Variants in NDST3 observed in about 807,000 individuals in gnomAD.
The protein encoded by NDST3 is bifunctional heparan sulfate N-deacetylase/N-sulfotransferase 3.
A neutral mutation model predicts 96.1 loss-of-function variants in NDST3; 58 were observed. The ratio of observed to expected loss-of-function variants is 0.60; its 90% CI spans 0.49 to 0.75. The LOEUF (loss-of-function observed/expected upper bound fraction) is 0.75. Ranked by LOEUF, NDST3 falls within the 30% of genes least tolerant of loss-of-function variation. The probability of loss-of-function intolerance (pLI) is 0.00; values close to 1 mark genes in which losing one functional copy is unlikely to be tolerated. For missense variants in NDST3, 788 were observed against 1,034.2 expected, an observed-to-expected ratio of 0.76 and a Z score of 3.27; for synonymous variants, 333 against 359.7, an observed-to-expected ratio of 0.93 and a Z score of 0.84.
intron 8 of NDST3, among the ~76,000 whole-genome samples, chr4:118,230,574 C>CA (rs552747610): frequency 0.015 from 1,567 of 106,216 alleles, 36 homozygotes; most frequent in South Asian, 0.13. Context: ...GACTCCGTTT[C>CA]AAAAAAAAAA....
intron 2 of NDST3, among the ~76,000 whole-genome samples, chr4:118,094,556 C>A (rs1408455434): frequency 6.6e-6 from 1 of 151,786 alleles, no homozygotes; most frequent in Non-Finnish European, 1.5e-5. Flanking sequence ...TGTGTCCTTT[C>A]CATAGAAGTC....
At chr4:118,058,861 C>T (rs1039162619) in intron 2 of NDST3, among the ~76,000 whole-genome samples, 7 of 152,000 alleles carry the variant, frequency 4.6e-5, no homozygotes, top group Non-Finnish European at 8.8e-5. Context: ...CACTAATAAC[C>T]CATGTGATCT....
chr4:118,194,756 A>T (rs1352050398), intron 6 of NDST3: 1 of 467,110 alleles, frequency 2.1e-6, no homozygotes, highest in African/African-American at 2.0e-5. Flanking sequence ...TGTCATCTCC[A>T]CGCAGCGCAC....
intron 6 of NDST3, among the ~76,000 whole-genome samples, chr4:118,164,164 G>C (rs1017354710): frequency 6.6e-6 from 1 of 152,146 alleles, no homozygotes; most frequent in Non-Finnish European, 1.5e-5. Flanking sequence ...TGCAGCCATA[G>C]AAAGAACAAA....
intron 8 of NDST3, among the ~76,000 whole-genome samples, chr4:118,229,514 C>T (rs1740132772): frequency 6.6e-6 from 1 of 152,116 alleles, no homozygotes; most frequent in African/African-American, 2.4e-5. Flanking sequence ...CAGGTAAAGA[C>T]AGAATTCAGA....
intron 6 of NDST3, among the ~76,000 whole-genome samples, chr4:118,186,875 T>C (rs1270514452): frequency 1.3e-5 from 2 of 152,350 alleles, no homozygotes; most frequent in East Asian, 3.9e-4. Flanking sequence ...CACACATTTC[T>C]TTAAGCTTTT....
In NDST3 at chr4:118,214,790, G is replaced by A. The variant is rs28378646; in HGVS notation, c.1540-9701G>A. Among the ~76,000 whole-genome samples the A allele has an allele frequency of 5.1e-3, 783 of 152,262 alleles. 7 individuals carry two copies. Among genetic ancestry groups the A allele is most frequent in the African/African-American group, 0.018 (744 of 41,550 alleles). ...CAGTTCAATAAGAAATGAGGATCTG[G>A]TAAGTGTCTGGAATGCCCTCAGTTT... On this transcript the variant is annotated intron_variant, in intron 6 of 13. Transcript: ENST00000296499.
chr4:118,092,330 C>T (rs1728949682), intron 2 of NDST3, among the ~76,000 whole-genome samples: 1 of 151,580 alleles, frequency 6.6e-6, no homozygotes, highest in African/African-American at 2.4e-5. Flanking sequence ...GGAAACTTCC[C>T]TCTAAAAACC....
chr4:118,039,852 T>C (rs2110422616), intron 1 of NDST3, among the ~76,000 whole-genome samples: 1 of 152,252 alleles, frequency 6.6e-6, no homozygotes, highest in South Asian at 2.1e-4. Flanking sequence ...GAGAGCATCA[T>C]CTAACCAGGC....
chr4:118,061,826 T>C (rs1295445542), intron 2 of NDST3, among the ~76,000 whole-genome samples: 1 of 152,052 alleles, frequency 6.6e-6, no homozygotes, highest in East Asian at 1.9e-4. Flanking sequence ...TTTAAAGGAG[T>C]TTAATTGAGC....
chr4:118,199,221 T>C lies in NDST3; in HGVS notation c.1540-25270T>C, dbSNP rs188818316. ...CCTTTTGAGGCTATTTTCTAGATCCTGTAGGCATGCTTCATGGTTTTTTAT... is the reference window on the plus strand; with the variant it reads ...CCTTTTGAGGCTATTTTCTAGATCCCGTAGGCATGCTTCATGGTTTTTTAT... On this transcript the variant is annotated intron_variant, in intron 6 of 13. Coordinates refer to ENST00000296499, the MANE Select transcript of NDST3 (RefSeq NM_004784.3). 4.6e-5 allele frequency among the ~76,000 whole-genome samples: 7 copies of C among 152,364 alleles called. No individual in the cohort carries two copies. In the East Asian group the frequency reaches 1.4e-3, roughly 29 times the overall value.
rs79013296 is a variant in NDST3 at position 118,228,746 on chromosome 4, C to G, written c.1819+1764C>G. ...CCTTGTTCCTTTGCAGTCTATCCCCCCCGATCCCCACCACATCCCCAGCCA... is the reference window on the plus strand; with the variant it reads ...CCTTGTTCCTTTGCAGTCTATCCCCGCCGATCCCCACCACATCCCCAGCCA... On this transcript the variant is annotated intron_variant, in intron 8 of 13. Transcript: ENST00000296499. Among the ~76,000 whole-genome samples, 58 of 152,246 alleles carry G rather than the reference C, an allele frequency of 3.8e-4. No homozygotes were observed. The East Asian group carries it at 9.1e-3, about 24-fold the overall frequency.
intron 6 of NDST3, among the ~76,000 whole-genome samples, chr4:118,198,838 C>A (rs1484241066): frequency 6.6e-6 from 1 of 152,076 alleles, no homozygotes; most frequent in African/African-American, 2.4e-5. Context: ...ACTATTCTAG[C>A]ATAAAAGTTC....
chr4:118,169,569 G>A (rs1474372052), intron 6 of NDST3, among the ~76,000 whole-genome samples: 2 of 151,954 alleles, frequency 1.3e-5, no homozygotes, highest in African/African-American at 4.8e-5. Flanking sequence ...TGAGGCAGGC[G>A]GATCACCTGA....
chr4:118,038,641 A>G (rs773509888), intron 1 of NDST3, among the ~76,000 whole-genome samples: 4 of 152,168 alleles, frequency 2.6e-5, no homozygotes, highest in Non-Finnish European at 5.9e-5. Context: ...TTATTACTAA[A>G]TTACTTTTAG....
intron 2 of NDST3, among the ~76,000 whole-genome samples, chr4:118,073,682 T>G (rs1252785539): frequency 1.3e-5 from 2 of 152,100 alleles, no homozygotes; most frequent in Non-Finnish European, 2.9e-5. Flanking sequence ...TCTGGTTTTG[T>G]TGATCTCTTA....
At chr4:118,233,594 T>C (rs961787511) in intron 9 of NDST3, among the ~76,000 whole-genome samples, 1 of 151,952 alleles carries the variant, frequency 6.6e-6, no homozygotes, top group Admixed American at 6.6e-5. Context: ...ATTACATGAG[T>C]AATCAAAGCT....
At chr4:118,121,531 A>G (rs1056449726) in intron 4 of NDST3, among the ~76,000 whole-genome samples, 1 of 152,220 alleles carries the variant, frequency 6.6e-6, no homozygotes, top group Non-Finnish European at 1.5e-5. Context: ...GGATGTAAGT[A>G]GACATACTGG....
intron 1 of NDST3, among the ~76,000 whole-genome samples, chr4:118,045,734 C>T (rs1189416442): frequency 2.0e-5 from 3 of 152,078 alleles, no homozygotes; most frequent in Admixed American, 6.5e-5. Context: ...CCAAATGACA[C>T]AATAAGTAAG....
Sources: gnomAD v4.1 joint callset for allele counts (sites outside exome capture counted in the v4.1 genomes callset) on GRCh38, gnomAD v4.1.1 for gene constraint, MANE v1.5 for transcripts, NCBI Gene and HGNC (gene_info 2026-07-23, HGNC 2026-07-21) for gene names.